COL6A5: variants seen among roughly 807,000 people sequenced by gnomAD.
The protein encoded by COL6A5 is collagen type VI alpha 5 chain, also known as collagen alpha-5(VI) chain.
COL6A5 carries 48 observed loss-of-function variants against 65.6 expected under a neutral mutation model. That is an observed-to-expected ratio of 0.73 (90% CI 0.58 to 0.93). The LOEUF is 0.93. Among genes scored for constraint, COL6A5 ranks in the 40% least tolerant of loss-of-function variants. The pLI, the probability that COL6A5 is intolerant of heterozygous loss-of-function variation, is 0.00. For missense variants in COL6A5, 914 were observed against 928.3 expected, an observed-to-expected ratio of 0.98 and a Z score of 0.20; for synonymous variants, 291 against 322.8, an observed-to-expected ratio of 0.90 and a Z score of 1.05.
At chr3:130,396,318 A>G (rs1936597695) in intron 8 of COL6A5, among the ~76,000 whole-genome samples, 1 of 152,248 alleles carries the variant, frequency 6.6e-6, no homozygotes, top group Admixed American at 6.5e-5. Flanking sequence ...ACAAAATGTG[A>G]TAGTCTTTCC....
At chr3:130,357,641 A>G (rs767855492) in intron 1 of COL6A5, among the ~76,000 whole-genome samples, 4 of 152,218 alleles carry the variant, frequency 2.6e-5, no homozygotes, top group Non-Finnish European at 5.9e-5. Flanking sequence ...AGCAAAAGTC[A>G]TTCAATATTA....
exon 10 of COL6A5, chr3:130,398,038 T>G: frequency 6.4e-7 from 1 of 1,551,302 alleles, no homozygotes; most frequent in Non-Finnish European, 8.7e-7. Flanking sequence ...AGGTGCTGCT[T>G]ATTTTTTCAG....
At chr3:130,377,197 C>T (rs1053706475) in intron 3 of COL6A5, among the ~76,000 whole-genome samples, 2 of 152,198 alleles carry the variant, frequency 1.3e-5, no homozygotes, top group Middle Eastern at 3.4e-3. Flanking sequence ...CTGTGTTTGT[C>T]CTCCTTCCCT....
chr3:130,484,824 AT>A (rs1247747379), exon 8 of COL6A5: 2 of 398,606 alleles, frequency 5.0e-6, no homozygotes, highest in Admixed American at 8.8e-5. Context: ...AATTTCTAAA[AT>A]AAAAACAAGT....
At position 130,421,309 on chromosome 3, in the gene COL6A5, G is replaced by T. The variant is rs1334636152; in HGVS notation, c.5002-16G>T. On this transcript the variant is annotated splice_polypyrimidine_tract_variant and intron_variant and NMD_transcript_variant, in intron 26 of 41. Transcript: ENST00000312481. ...TGATATGTTGATGTATTTATGTTCT[G>T]TGCTGAAAATTATAGGGCCCAAGAG... 1 of 1,550,548 alleles carries T rather than the reference G, an allele frequency of 6.4e-7. No homozygotes were observed. Among genetic ancestry groups the T allele is most frequent in the Non-Finnish European group, 8.7e-7 (1 of 1,146,242 alleles).
chr3:130,371,433 G>A (rs1935552788), intron 1 of COL6A5, among the ~76,000 whole-genome samples: 1 of 151,944 alleles, frequency 6.6e-6, no homozygotes, highest in Non-Finnish European at 1.5e-5. Flanking sequence ...TTTCTAAAAG[G>A]TAGCATAATC....
intron 4 of COL6A5, among the ~76,000 whole-genome samples, chr3:130,444,512 T>C (rs906542773): frequency 6.6e-6 from 1 of 152,180 alleles, no homozygotes; most frequent in African/African-American, 2.4e-5. Context: ...TCTTCCGCCA[T>C]GGCTTCAGCC....
chr3:130,388,763 T>C lies in COL6A5; in HGVS notation c.2045T>C (p.Leu682Pro), dbSNP rs575837767. The C allele has an allele frequency of 6.0e-5, 93 of 1,551,368 alleles. No homozygotes were observed. In the South Asian group the frequency reaches 1.1e-3, roughly 18 times the overall value. The change falls in exon 6 of 42, where the codon CTT (leucine) becomes CCT (proline). Residue 682 changes from leucine (L) to proline (P), a missense_variant and NMD_transcript_variant. By Grantham distance (98) the Leu-to-Pro change is moderately conservative (BLOSUM62 -3). Transcript: ENST00000312481. ...GATAAAACTAAGGAAGAGTTCCAGC[T>C]TAATAGATATTTTACACAGCAAGAA...
chr3:130,434,337 T>C (rs1937953264), intron 1 of COL6A5, among the ~76,000 whole-genome samples: 1 of 152,238 alleles, frequency 6.6e-6, no homozygotes, highest in Non-Finnish European at 1.5e-5. Context: ...AGTCTATCAT[T>C]GATGGGCATT....
intron 1 of COL6A5, among the ~76,000 whole-genome samples, chr3:130,351,618 C>T (rs993320604): frequency 6.6e-5 from 10 of 152,180 alleles, no homozygotes; most frequent in African/African-American, 1.4e-4. Flanking sequence ...TACCATCTCA[C>T]GCCAGTTAGA....
At chr3:130,440,456 C>G in exon 3 of COL6A5, 1 of 1,613,700 alleles carries the variant, frequency 6.2e-7, no homozygotes, top group Non-Finnish European at 8.5e-7. Flanking sequence ...CAACCAACTC[C>G]TAATGAAGAA....
chr3:130,419,073 C>G lies in COL6A5; in HGVS notation c.4950+142C>G, dbSNP rs373681449. 144 of 687,506 alleles carry G rather than the reference C, an allele frequency of 2.1e-4. 1 individual carries two copies. The highest frequency in any genetic ancestry group is 2.4e-4 in the Non-Finnish European group (92 of 386,490). 42.6% of individuals were successfully genotyped at this position (687,506 alleles called of 1,614,324 possible). ...TAGGAAAATGTGAGAACATTTCTCC[C>G]ACCCCCTAAAGCTCTCATTCCATAG... is the stretch of plus-strand genomic sequence containing the variant. On this transcript the variant is annotated intron_variant and NMD_transcript_variant, in intron 25 of 41. Transcript: ENST00000312481.
intron 5 of COL6A5, among the ~76,000 whole-genome samples, chr3:130,457,974 C>G (rs978968951): frequency 6.6e-6 from 1 of 152,080 alleles, no homozygotes; most frequent in Middle Eastern, 3.2e-3. Context: ...GATGGCTGAG[C>G]TTTCTGCTCT....
intron 2 of COL6A5, among the ~76,000 whole-genome samples, 197 bp downstream of exon 2, chr3:130,373,902 C>T (rs116344978): frequency 0.011 from 1,746 of 152,200 alleles, 29 homozygotes; most frequent in African/African-American, 0.04. Context: ...TTATGTTGCA[C>T]CTGGCTAGAA....
intron 1 of COL6A5, among the ~76,000 whole-genome samples, chr3:130,353,660 G>T (rs568622843): frequency 6.6e-6 from 1 of 150,656 alleles, no homozygotes; most frequent in East Asian, 2.0e-4. Flanking sequence ...GAAGTGGTAA[G>T]AAAGTATAAT....
intron 5 of COL6A5, among the ~76,000 whole-genome samples, chr3:130,463,241 T>C (rs1709739392): frequency 6.6e-6 from 1 of 152,208 alleles, no homozygotes; most frequent in South Asian, 2.1e-4. Flanking sequence ...GGACAGAACC[T>C]CACACATCAA....
chr3:130,360,973 G>T (rs1403132343), intron 1 of COL6A5, among the ~76,000 whole-genome samples: 2 of 151,912 alleles, frequency 1.3e-5, no homozygotes, highest in African/African-American at 4.8e-5. Context: ...GCAAAATTGA[G>T]CAACAAGTAC....
intron 6 of COL6A5, among the ~76,000 whole-genome samples, chr3:130,390,912 G>A (rs562766578): frequency 6.6e-6 from 1 of 152,302 alleles, no homozygotes; most frequent in South Asian, 2.1e-4. Context: ...TATCAAAATA[G>A]AGTGGTGTGG....
upstream of COL6A5, among the ~76,000 whole-genome samples, chr3:130,430,878 G>T (rs1253528939): frequency 6.6e-6 from 1 of 152,112 alleles, no homozygotes; most frequent in Non-Finnish European, 1.5e-5. Flanking sequence ...TGCTGCACTT[G>T]ATTCATCTTT....
Sources: allele counts gnomAD v4.1 joint callset (sites outside exome capture counted in the v4.1 genomes callset), GRCh38; gene constraint gnomAD v4.1.1; transcripts MANE v1.5; gene names NCBI Gene and HGNC (gene_info 2026-07-23, HGNC 2026-07-21).